Variants in RIC8B observed in about 807,000 individuals in gnomAD.
RIC8B encodes chaperone Ric-8B.
Under a neutral mutation model 57.5 loss-of-function variants are expected in RIC8B, and 16 were observed. That is an observed-to-expected ratio of 0.28 (90% CI 0.19 to 0.42). The LOEUF is 0.42. Among genes scored for constraint, RIC8B ranks in the 10% least tolerant of loss-of-function variants. The pLI, the probability that RIC8B is intolerant of heterozygous loss-of-function variation, is 1.00. For synonymous variants in RIC8B, 216 were observed against 250.8 expected (o/e 0.86, Z 1.31); for missense variants, 481 against 677.0 (o/e 0.71, Z 3.21).
At chr12:106,882,350 C>G (rs1186543329) in intron 9 of RIC8B, among the ~76,000 whole-genome samples, 1 of 152,182 alleles carries the variant, frequency 6.6e-6, no homozygotes, top group Non-Finnish European at 1.5e-5. Flanking sequence ...GTTCTTACAG[C>G]TAGTGACTGG....
chr12:106,802,059 A>G (rs537926579), intron 2 of RIC8B, among the ~76,000 whole-genome samples: 1 of 152,334 alleles, frequency 6.6e-6, no homozygotes, highest in African/African-American at 2.4e-5. Flanking sequence ...AAGAGTGTAG[A>G]CATAACCTTG....
chr12:106,843,564 T>C (rs1346562578), intron 5 of RIC8B, among the ~76,000 whole-genome samples: 4 of 150,946 alleles, frequency 2.6e-5, no homozygotes, highest in Non-Finnish European at 4.4e-5. Flanking sequence ...CTACTAAAAG[T>C]ACAAAAAATT....
intron 7 of RIC8B, among the ~76,000 whole-genome samples, chr12:106,858,491 A>T (rs929024244): frequency 6.6e-6 from 1 of 151,998 alleles, no homozygotes; most frequent in Non-Finnish European, 1.5e-5. Context: ...TACACTGAAC[A>T]CTCATTTCTT....
chr12:106,833,915 A>G lies in RIC8B; in HGVS notation c.836+8095A>G, dbSNP rs149603893. 9.8e-4 allele frequency among the ~76,000 whole-genome samples: 149 copies of G among 152,246 alleles called. 3 individuals carry two copies. The East Asian group carries it at 0.026, about 26-fold the overall frequency. On this transcript the variant is annotated intron_variant, in intron 4 of 9. Coordinates refer to ENST00000392837, the MANE Select transcript of RIC8B (RefSeq NM_001330145.2). ...GATCACTCGAGATCTAGCTGTTAAA[A>G]GAACCTAGCACCTTCTCCCCCTCTT... is the stretch of plus-strand genomic sequence containing the variant.
At chr12:106,815,755 A>T (rs2045547608) in intron 3 of RIC8B, among the ~76,000 whole-genome samples, 1 of 152,198 alleles carries the variant, frequency 6.6e-6, no homozygotes, top group Non-Finnish European at 1.5e-5. Context: ...AGAGTAGAAG[A>T]TGCTCTGTGT....
At position 106,879,407 on chromosome 12, in the gene RIC8B, A is replaced by G; in HGVS notation, c.1572-6497A>G. ...TCATTTTTGGGGGAAAGAGTCATAT[A>G]GGAACCAGAAGCCCTAAAAAGCAGA... On this transcript the variant is annotated intron_variant, in intron 9 of 9. Transcript: ENST00000392837. The surrounding 1 kb of genome is among the most constrained non-coding windows in gnomAD (Gnocchi z 4.9). 1.0e-6 allele frequency: 1 copy of G among 985,338 alleles called. No individual in the cohort carries two copies. The highest frequency in any genetic ancestry group is 1.2e-6 in the Non-Finnish European group (1 of 829,914). The allele number at this position is 985,338 out of a possible 1,614,324, so 61.0% of individuals were successfully genotyped here.
intron 2 of RIC8B, among the ~76,000 whole-genome samples, chr12:106,812,100 A>G (rs2045360276): frequency 6.6e-6 from 1 of 152,170 alleles, no homozygotes; most frequent in African/African-American, 2.4e-5. Context: ...TCGTTGTCCA[A>G]AAAGTGGTAT....
At chr12:106,857,984 A>C (rs772056347) in intron 7 of RIC8B, among the ~76,000 whole-genome samples, 7 of 152,198 alleles carry the variant, frequency 4.6e-5, no homozygotes, top group African/African-American at 9.6e-5. Context: ...CCTGTCATAG[A>C]GTTAGCACAT....
chr12:106,774,907 A>AC, intron 1 of RIC8B, 78 bp downstream of exon 1: 6 of 1,055,714 alleles, frequency 5.7e-6, no homozygotes, highest in South Asian at 3.0e-5. Context: ...ATCCTTCCCC[A>AC]CCCCCCTCAT....
chr12:106,793,267 G>T (rs1047468829), intron 2 of RIC8B, among the ~76,000 whole-genome samples: 2 of 152,106 alleles, frequency 1.3e-5, no homozygotes, highest in Non-Finnish European at 2.9e-5. Context: ...GCATACCATT[G>T]TCTCTGCCCC....
chr12:106,875,714 A>G (rs945344950), intron 9 of RIC8B, among the ~76,000 whole-genome samples: 7 of 152,024 alleles, frequency 4.6e-5, no homozygotes, highest in South Asian at 2.1e-4. Flanking sequence ...TAAAATTTAT[A>G]TTTATATAAA....
chr12:106,844,407 C>G (rs895681920), intron 6 of RIC8B, among the ~76,000 whole-genome samples: 1 of 152,218 alleles, frequency 6.6e-6, no homozygotes, highest in Non-Finnish European at 1.5e-5. Flanking sequence ...CCTGAGAGAA[C>G]AAGTTCACAA....
At position 106,886,213 on chromosome 12, in the gene RIC8B, G is replaced by A; in HGVS notation, c.*198G>A. On this transcript the variant is annotated 3_prime_UTR_variant, in exon 10 of 10. Transcript: ENST00000392837. Reference sequence around the variant, plus strand: ...ATTGAGGCATTCATACAGAGCTGCAGTTAGACGGGGTTACGGGGGCTAAAA... The same window carrying A: ...ATTGAGGCATTCATACAGAGCTGCAATTAGACGGGGTTACGGGGGCTAAAA... The A allele has an allele frequency of 2.0e-6, 1 of 505,138 alleles. No homozygotes were observed. The highest frequency in any genetic ancestry group is 3.5e-6 in the Non-Finnish European group (1 of 286,508). 31.3% of individuals were successfully genotyped at this position (505,138 alleles called of 1,614,324 possible). A position where few individuals can be genotyped will look rare whatever the true frequency, so the allele number is the denominator to read the frequency against.
chr12:106,786,457 T>C (rs770049120), intron 2 of RIC8B, among the ~76,000 whole-genome samples: 4 of 152,160 alleles, frequency 2.6e-5, no homozygotes, highest in Non-Finnish European at 5.9e-5. Context: ...CCCCAATGTG[T>C]ATTTTTATAG....
At chr12:106,818,253 G>A (rs929900961) in intron 3 of RIC8B, among the ~76,000 whole-genome samples, 2 of 151,306 alleles carry the variant, frequency 1.3e-5, no homozygotes, top group African/African-American at 2.4e-5. Context: ...TGCAACCTCT[G>A]GCTCCCAGGT....
chr12:106,815,409 TC>T (rs1197909577), intron 3 of RIC8B, 105 bp downstream of exon 3: 21 of 1,133,982 alleles, frequency 1.9e-5, no homozygotes, highest in Non-Finnish European at 2.4e-5. Flanking sequence ...TGGAAAAAGT[TC>T]CCACTTCTCC....
At chr12:106,805,749 C>T (rs1435846747) in intron 2 of RIC8B, among the ~76,000 whole-genome samples, 2 of 151,916 alleles carry the variant, frequency 1.3e-5, no homozygotes, top group Non-Finnish European at 2.9e-5. Context: ...TAATTCCAGA[C>T]TCTTCATTCT....
At chr12:106,828,339 T>G (rs1352349253) in intron 4 of RIC8B, among the ~76,000 whole-genome samples, 3 of 152,192 alleles carry the variant, frequency 2.0e-5, no homozygotes, top group Non-Finnish European at 4.4e-5. Flanking sequence ...TTAAATTCAA[T>G]GAAAATGGCA....
At chr12:106,828,970 A>C (rs1284837811) in intron 4 of RIC8B, among the ~76,000 whole-genome samples, 1 of 152,174 alleles carries the variant, frequency 6.6e-6, no homozygotes, top group Admixed American at 6.5e-5. Flanking sequence ...AGGTTAAAAA[A>C]AATAGCCTGG....
Sources: allele counts gnomAD v4.1 joint callset (sites outside exome capture counted in the v4.1 genomes callset), GRCh38; gene constraint gnomAD v4.1.1; non-coding constraint Gnocchi (gnomAD v3.1); transcripts MANE v1.5; gene names NCBI Gene and HGNC (gene_info 2026-07-23, HGNC 2026-07-21).